Variants in RIMS2 observed in about 807,000 individuals in gnomAD.
RIMS2 encodes regulating synaptic membrane exocytosis 2, also known as regulating synaptic membrane exocytosis protein 2.
RIMS2 carries 59 observed loss-of-function variants against 174.4 expected under a neutral mutation model. That is an observed-to-expected ratio of 0.34 (90% CI 0.27 to 0.42). RIMS2 has a LOEUF of 0.42. Among genes scored for constraint, RIMS2 ranks in the 10% least tolerant of loss-of-function variants. The pLI is 1.00. For missense variants in RIMS2, 1,620 were observed against 1,666.3 expected (o/e 0.97, Z 0.48); for synonymous variants, 606 against 572.5 (o/e 1.06, Z -0.84).
chr8:104,012,747 G>A (rs915848286), intron 17 of RIMS2, among the ~76,000 whole-genome samples: 7 of 152,224 alleles, frequency 4.6e-5, no homozygotes, highest in Admixed American at 2.0e-4. Flanking sequence ...CAAGGATTAA[G>A]TTTTGGTATT....
intron 19 of RIMS2, among the ~76,000 whole-genome samples, chr8:104,104,483 G>C (rs2097990982): frequency 6.6e-6 from 1 of 152,282 alleles, no homozygotes; most frequent in Non-Finnish European, 1.5e-5. Context: ...AAATGTCAGT[G>C]CTAAATAAGA....
intron 2 of RIMS2, among the ~76,000 whole-genome samples, chr8:103,736,236 C>A (rs183516747): frequency 3.9e-5 from 6 of 152,168 alleles, no homozygotes; most frequent in African/African-American, 4.8e-5. Context: ...TAACCCATGG[C>A]AATTAGAATA....
chr8:103,641,811 T>C (rs1960662), intron 1 of RIMS2, among the ~76,000 whole-genome samples: 118,601 of 151,970 alleles, frequency 0.78, 46,608 homozygotes, highest in East Asian at 0.88. Context: ...CACCCCTTCA[T>C]CTTCCACCAT....
chr8:103,885,573 G>T, exon 4 of RIMS2: 2 of 1,612,970 alleles, frequency 1.2e-6, no homozygotes, highest in Non-Finnish European at 1.7e-6. Context: ...AGGCAAAGGA[G>T]AGAGGAAGAG....
chr8:103,925,735 G>A (rs748005092), intron 10 of RIMS2, among the ~76,000 whole-genome samples: 2 of 151,538 alleles, frequency 1.3e-5, no homozygotes, highest in Non-Finnish European at 3.0e-5. Context: ...GAAAGCAGTG[G>A]TTACTAATGG....
chr8:103,708,130 G>GT (rs1316377126), intron 2 of RIMS2, among the ~76,000 whole-genome samples: 1 of 152,248 alleles, frequency 6.6e-6, no homozygotes, highest in Admixed American at 6.5e-5. Flanking sequence ...GCCTTCGAGA[G>GT]TAGTGCAGTG....
At chr8:103,547,509 A>C (rs184692440) in intron 1 of RIMS2, among the ~76,000 whole-genome samples, 1 of 152,238 alleles carries the variant, frequency 6.6e-6, no homozygotes, top group Non-Finnish European at 1.5e-5. Flanking sequence ...CAACTTAAGC[A>C]GTGTTAAGAG....
At chr8:103,754,322 A>T (rs1197823527) in intron 2 of RIMS2, among the ~76,000 whole-genome samples, 2 of 152,114 alleles carry the variant, frequency 1.3e-5, no homozygotes, top group African/African-American at 4.8e-5. Context: ...GTTGTTTTAC[A>T]TTTGCTGAGG....
At chr8:103,993,490 T>G (rs923772272) in intron 17 of RIMS2, among the ~76,000 whole-genome samples, 1 of 152,212 alleles carries the variant, frequency 6.6e-6, no homozygotes, top group Non-Finnish European at 1.5e-5. Flanking sequence ...GTGTAACTCG[T>G]ACTCATAACT....
chr8:103,589,384 TCTCA>T, intron 1 of RIMS2, among the ~76,000 whole-genome samples: 1 of 151,742 alleles, frequency 6.6e-6, no homozygotes, highest in African/African-American at 2.4e-5. Context: ...TGAGATATCA[TCTCA>T]CTCCAGTTAA....
At chr8:104,114,235 T>G (rs1191978043) in intron 19 of RIMS2, among the ~76,000 whole-genome samples, 1 of 152,032 alleles carries the variant, frequency 6.6e-6, no homozygotes, top group East Asian at 1.9e-4. Flanking sequence ...AAATTCTATT[T>G]TGGCATTTTA....
chr8:103,589,732 T>G (rs2094153308), intron 1 of RIMS2, among the ~76,000 whole-genome samples: 1 of 151,488 alleles, frequency 6.6e-6, no homozygotes, highest in Non-Finnish European at 1.5e-5. Context: ...ATATGCAAAA[T>G]GGAATACTAT....
chr8:103,861,314 T>C (rs2099057761), intron 3 of RIMS2, among the ~76,000 whole-genome samples: 1 of 152,174 alleles, frequency 6.6e-6, no homozygotes, highest in African/African-American at 2.4e-5. Flanking sequence ...ATGATTTCAT[T>C]CTTTTTGTGG....
At chr8:103,552,373 T>C (rs972148773) in intron 1 of RIMS2, among the ~76,000 whole-genome samples, 3 of 152,152 alleles carry the variant, frequency 2.0e-5, no homozygotes, top group Non-Finnish European at 4.4e-5. Flanking sequence ...TAATAAATGG[T>C]GCTGGGAAAA....
intron 1 of RIMS2, among the ~76,000 whole-genome samples, chr8:103,562,174 G>T (rs2091691119): frequency 6.6e-6 from 1 of 152,118 alleles, no homozygotes; most frequent in Non-Finnish European, 1.5e-5. Flanking sequence ...AACCAGTCCT[G>T]CCTTCCTAAC....
At chr8:104,012,162 T>A (rs1156826911) in intron 17 of RIMS2, among the ~76,000 whole-genome samples, 1 of 151,950 alleles carries the variant, frequency 6.6e-6, no homozygotes, top group Non-Finnish European at 1.5e-5. Context: ...CATGATAGTA[T>A]ATGGACTTAA....
chr8:103,962,485 A>T (rs973333901), intron 15 of RIMS2, among the ~76,000 whole-genome samples: 1 of 152,158 alleles, frequency 6.6e-6, no homozygotes, highest in South Asian at 2.1e-4. Context: ...CCAGTCAGAA[A>T]CTGTCTGGTG....
chr8:104,185,172 A>G (rs1358206704), intron 19 of RIMS2, among the ~76,000 whole-genome samples: 1 of 151,592 alleles, frequency 6.6e-6, no homozygotes, highest in Non-Finnish European at 1.5e-5. Context: ...TTTCAACTCA[A>G]TAAGCCCTGA....
intron 19 of RIMS2, among the ~76,000 whole-genome samples, chr8:104,058,752 G>A (rs948301604): frequency 4.3e-4 from 66 of 152,118 alleles, no homozygotes; most frequent in Admixed American, 2.0e-3. Flanking sequence ...TGTATAAGGC[G>A]TAAGGAAGGG....
Sources: allele counts gnomAD v4.1 joint callset (sites outside exome capture counted in the v4.1 genomes callset), GRCh38; gene constraint gnomAD v4.1.1; transcripts MANE v1.5; gene names NCBI Gene and HGNC (gene_info 2026-07-23, HGNC 2026-07-21).